DNAL1: variants seen among roughly 807,000 people sequenced by gnomAD.
The protein encoded by DNAL1 is chromosome 14 open reading frame 168.
A neutral mutation model predicts 29.4 loss-of-function variants in DNAL1; 17 were observed. That is an observed-to-expected ratio of 0.58 (90% CI 0.40 to 0.87). The LOEUF (loss-of-function observed/expected upper bound fraction) is 0.87, where lower values mean the gene tolerates loss of function less well. Among genes scored for constraint, DNAL1 ranks in the 40% least tolerant of loss-of-function variants. DNAL1 has a pLI of 0.00. For missense variants in DNAL1, 188 were observed against 214.1 expected (o/e 0.88, Z 0.76); for synonymous variants, 78 against 76.3 (o/e 1.02, Z -0.12).
intron 4 of DNAL1, among the ~76,000 whole-genome samples, 166 bp from the exon 5 acceptor site, chr14:73,671,376 C>G (rs1250743595): frequency 6.6e-6 from 1 of 152,082 alleles, no homozygotes; most frequent in African/African-American, 2.4e-5. Flanking sequence ...GATGATAGGT[C>G]AATGTTATTT....
rs1363032829 is a variant in DNAL1, at chr14:73,645,062, C to T, written c.3+20C>T. On this transcript the variant is annotated intron_variant, in intron 1 of 7. Transcript: ENST00000553645. ...GGAATGGTGAGTACCTTTCGGGCCGCGTAGCCAAAGCTGAGAGAAGATTGG... is the reference window on the plus strand; with the variant it reads ...GGAATGGTGAGTACCTTTCGGGCCGTGTAGCCAAAGCTGAGAGAAGATTGG... 11 of 1,607,350 alleles carry T rather than the reference C, an allele frequency of 6.8e-6. No individual in the cohort carries two copies. The highest frequency in any genetic ancestry group is 5.6e-5 in the South Asian group (5 of 89,306).
chr14:73,694,247 T>TAAATAAAC (rs1312816104), intron 7 of DNAL1, among the ~76,000 whole-genome samples: 2 of 129,388 alleles, frequency 1.5e-5, no homozygotes, highest in Non-Finnish European at 3.3e-5. Context: ...TATAAATAAA[T>TAAATAAAC]AAATAAATAA....
chr14:73,656,539 C>CT (rs1057487604), intron 2 of DNAL1, among the ~76,000 whole-genome samples: 2 of 151,820 alleles, frequency 1.3e-5, no homozygotes, highest in African/African-American at 2.4e-5. Context: ...GCTCAAACAC[C>CT]TGAGTAGCTG....
chr14:73,676,801 A>C (rs1891743030), intron 5 of DNAL1, among the ~76,000 whole-genome samples: 1 of 151,770 alleles, frequency 6.6e-6, no homozygotes, highest in Non-Finnish European at 1.5e-5. Flanking sequence ...ATGTGATGGG[A>C]TAGATTTATG....
intron 5 of DNAL1, among the ~76,000 whole-genome samples, chr14:73,678,194 C>A (rs1891791233): frequency 6.6e-6 from 1 of 152,020 alleles, no homozygotes; most frequent in African/African-American, 2.4e-5. Context: ...CCACTGGGCC[C>A]AGCTGAACAT....
At chr14:73,675,695 A>G (rs1333823495) in intron 5 of DNAL1, among the ~76,000 whole-genome samples, 3 of 152,062 alleles carry the variant, frequency 2.0e-5, no homozygotes, top group Non-Finnish European at 2.9e-5. Context: ...GTGACTCAAC[A>G]TGTTTTATTA....
chr14:73,661,465 C>T (rs531501181), intron 3 of DNAL1, among the ~76,000 whole-genome samples: 1 of 152,150 alleles, frequency 6.6e-6, no homozygotes, highest in African/African-American at 2.4e-5. Flanking sequence ...AATACCAGGG[C>T]CAGGTGTGGT....
intron 1 of DNAL1, chr14:73,651,074 T>C (rs1891103397): frequency 6.6e-6 from 1 of 152,258 alleles, no homozygotes; most frequent in African/African-American, 2.4e-5. Flanking sequence ...TTCCTTGTAC[T>C]CTTGGGATAA....
chr14:73,687,469 C>T, intron 6 of DNAL1, 84 bp downstream of exon 6: 2 of 1,392,386 alleles, frequency 1.4e-6, no homozygotes, highest in South Asian at 1.9e-5. Context: ...AAAACGAGAA[C>T]GTTTATTTCT....
chr14:73,685,891 C>A (rs937416858), intron 5 of DNAL1, among the ~76,000 whole-genome samples: 3 of 152,128 alleles, frequency 2.0e-5, no homozygotes, highest in African/African-American at 7.2e-5. Flanking sequence ...CTACTGTGAA[C>A]ATGGGCGTAC....
At chr14:73,647,884 GT>G (rs1891016270) in intron 1 of DNAL1, among the ~76,000 whole-genome samples, 1 of 152,174 alleles carries the variant, frequency 6.6e-6, no homozygotes, top group Admixed American at 6.5e-5. Flanking sequence ...TAGGGTCTAT[GT>G]ATACTTAATT....
At chr14:73,665,238 T>A (rs964788193) in intron 4 of DNAL1, among the ~76,000 whole-genome samples, 1 of 152,162 alleles carries the variant, frequency 6.6e-6, no homozygotes, top group Admixed American at 6.6e-5. Flanking sequence ...TCAGTACTTA[T>A]ACAGTGCTGG....
intron 5 of DNAL1, among the ~76,000 whole-genome samples, chr14:73,674,279 C>G (rs1331964441): frequency 6.6e-6 from 1 of 152,176 alleles, no homozygotes; most frequent in East Asian, 1.9e-4. Flanking sequence ...GCTGTTCCCT[C>G]TGTCTTAAAA....
chr14:73,676,369 C>A (rs962223512), intron 5 of DNAL1, among the ~76,000 whole-genome samples: 1 of 152,056 alleles, frequency 6.6e-6, no homozygotes, highest in Non-Finnish European at 1.5e-5. Context: ...CTACCAGCTC[C>A]ATGAAGTAAC....
rs535188972 is a variant in DNAL1, at chr14:73,648,538, C to T, written c.3+3496C>T. On this transcript the variant is annotated intron_variant, in intron 1 of 7. Coordinates refer to ENST00000553645, the MANE Select transcript of DNAL1 (RefSeq NM_031427.4). Reference sequence around the variant, plus strand: ...CGGGATCCTCCCACCTCAGCCCCTGCGAGTAGTTGGGACTACAGGCCTGCA... The same window carrying T: ...CGGGATCCTCCCACCTCAGCCCCTGTGAGTAGTTGGGACTACAGGCCTGCA... Among the ~76,000 whole-genome samples the T allele has an allele frequency of 6.2e-4, 94 of 150,630 alleles. No homozygotes were observed. In the East Asian group the frequency reaches 0.015, roughly 24 times the overall value.
intron 5 of DNAL1, among the ~76,000 whole-genome samples, chr14:73,674,056 T>C (rs989747704): frequency 2.0e-5 from 3 of 151,902 alleles, no homozygotes; most frequent in Non-Finnish European, 4.4e-5. Context: ...AAACATGGAA[T>C]GTTAAGTTGA....
chr14:73,654,804 A>T, intron 1 of DNAL1, 43 bp from the exon 2 acceptor site: 1 of 1,491,150 alleles, frequency 6.7e-7, no homozygotes, highest in Non-Finnish European at 8.9e-7. Flanking sequence ...ATACATACAT[A>T]CAACTTTGTT....
In DNAL1 at chr14:73,678,055, C is replaced by T. The variant is rs113109864; in HGVS notation, c.264+6458C>T. 1.5e-3 allele frequency among the ~76,000 whole-genome samples: 227 copies of T among 151,720 alleles called. 1 individual carries two copies. Among genetic ancestry groups the T allele is most frequent in the African/African-American group, 5.1e-3 (209 of 41,362 alleles). On this transcript the variant is annotated intron_variant, in intron 5 of 7. Transcript: ENST00000553645. ...GGGACTACAGGCACGCACCACCACACCCAGGTAATATTTTTTATTTTTTGT... is the reference window on the plus strand; with the variant it reads ...GGGACTACAGGCACGCACCACCACATCCAGGTAATATTTTTTATTTTTTGT...
At position 73,661,991 on chromosome 14, in the gene DNAL1, C is replaced by T; in HGVS notation, c.157C>T (p.Leu53Phe). ...TTTTTCTTTGTTCTTTTAAAGGAAG[C>T]TTTCACTGTCTACAAACTGCATTGA... ...SLSMLANCEKLSLSTNCIEKI... is the reference protein window; with the variant it reads ...SLSMLANCEKFSLSTNCIEKI... Residue 53 changes from leucine (L) to phenylalanine (F), a missense_variant, in exon 4 of 8, where the codon CTT (leucine) becomes TTT (phenylalanine). By Grantham distance (22) the Leu-to-Phe change is conservative. Coordinates refer to ENST00000553645, the MANE Select transcript of DNAL1 (RefSeq NM_031427.4). 13 of 1,547,400 alleles carry T rather than the reference C, an allele frequency of 8.4e-6. No homozygotes were observed. The highest frequency in any genetic ancestry group is 1.1e-5 in the Non-Finnish European group (13 of 1,145,802).
Sources: gnomAD v4.1 joint callset for allele counts (sites outside exome capture counted in the v4.1 genomes callset) on GRCh38, gnomAD v4.1.1 for gene constraint, MANE v1.5 for transcripts, NCBI Gene and HGNC (gene_info 2026-07-23, HGNC 2026-07-21) for gene names.